WDR4: variants seen among roughly 807,000 people sequenced by gnomAD.
WDR4 encodes the protein WDR4 tRNA N7-guanosine methyltransferase non-catalytic subunit.
A neutral mutation model predicts 48.6 loss-of-function variants in WDR4; 47 were observed. The observed-to-expected ratio is 0.97, with a 90% CI of 0.77 to 1.23. The LOEUF (loss-of-function observed/expected upper bound fraction) is 1.23, where lower values mean the gene tolerates loss of function less well. WDR4 is among the 50% of genes most tolerant of loss of function. The pLI is 0.00. For missense variants in WDR4, 606 were observed against 551.6 expected (o/e 1.10, Z -0.99); for synonymous variants, 268 against 230.0 (o/e 1.17, Z -1.49).
At chr21:42,888,844 G>GTATA in the WDR4 span, among the ~76,000 whole-genome samples, 2 of 151,200 alleles carry the variant, frequency 1.3e-5, no homozygotes, top group African/African-American at 2.4e-5. Context: ...GGGATTACAG[G>GTATA]TGCCCACCAC....
At chr21:42,870,213 TG>T (rs1249343553) in intron 3 of WDR4, among the ~76,000 whole-genome samples, 1 of 151,868 alleles carries the variant, frequency 6.6e-6, no homozygotes, top group East Asian at 1.9e-4. Context: ...TAACTGGGCA[TG>T]GTGGTAAGTG....
At chr21:42,872,574 G>T (rs998561807) in intron 3 of WDR4, among the ~76,000 whole-genome samples, 5 of 146,952 alleles carry the variant, frequency 3.4e-5, no homozygotes, top group Non-Finnish European at 7.4e-5. Context: ...TCACACCACC[G>T]CACTCCAGCC....
chr21:42,870,868 G>C (rs1179183680), intron 3 of WDR4, among the ~76,000 whole-genome samples: 3 of 152,162 alleles, frequency 2.0e-5, no homozygotes, highest in African/African-American at 7.2e-5. Context: ...CCCCCTTTGA[G>C]AATCTCATGT....
At chr21:42,884,374 G>A (rs529241823), upstream of WDR4, among the ~76,000 whole-genome samples, 50 of 152,206 alleles carry the variant, frequency 3.3e-4, no homozygotes, top group African/African-American at 1.1e-3. Context: ...CTCCAGCCTG[G>A]GTGATGGATC....
chr21:42,859,563 G>A, intron 6 of WDR4, 99 bp downstream of exon 6: 1 of 1,350,784 alleles, frequency 7.4e-7, no homozygotes, highest in South Asian at 1.3e-5. Flanking sequence ...GCCAGCCAGG[G>A]GCCAGCGATC....
At chr21:42,876,412 C>T (rs2058493669) in intron 2 of WDR4, among the ~76,000 whole-genome samples, 1 of 152,020 alleles carries the variant, frequency 6.6e-6, no homozygotes, top group African/African-American at 2.4e-5. Context: ...CAGGGTTTCG[C>T]CATGTTGGCC....
intron 3 of WDR4, among the ~76,000 whole-genome samples, chr21:42,865,212 G>A (rs982761684): frequency 1.3e-5 from 2 of 152,242 alleles, no homozygotes; most frequent in African/African-American, 4.8e-5. Flanking sequence ...GGTAAACACA[G>A]AGAAAACAAG....
chr21:42,852,740 AC>A lies in WDR4; in HGVS notation c.976-417del, dbSNP rs2057867225. ...AGACCAGCCTGACCAACATGGAGAA[AC>A]CCCGTCTCTACTAAAAATACAAAAT... On this transcript the variant is annotated intron_variant, in intron 9 of 10. Transcript: ENST00000398208. Among the ~76,000 whole-genome samples, 4 of 152,228 alleles carry A rather than the reference AC, an allele frequency of 2.6e-5. No homozygotes were observed. In the South Asian group the frequency reaches 8.3e-4, roughly 32 times the overall value.
intron 1 of WDR4, chr21:42,879,115 GA>G: frequency 1.7e-6 from 2 of 1,209,344 alleles, no homozygotes; most frequent in Non-Finnish European, 2.1e-6. Flanking sequence ...GCGGAGACCG[GA>G]AGCGACCCGG....
intron 3 of WDR4, among the ~76,000 whole-genome samples, chr21:42,865,000 C>T (rs1010984450): frequency 3.3e-5 from 5 of 152,152 alleles, no homozygotes; most frequent in Non-Finnish European, 1.5e-5. Flanking sequence ...CGGCCCACTG[C>T]GGCTGGAAAT....
At chr21:42,858,005 T>C (rs1271537126) in intron 6 of WDR4, among the ~76,000 whole-genome samples, 4 of 151,990 alleles carry the variant, frequency 2.6e-5, no homozygotes, top group Non-Finnish European at 5.9e-5. Flanking sequence ...GGTGGGAGGA[T>C]TGCTTGAGCC....
At chr21:42,861,211 G>T (rs1268158195) in intron 5 of WDR4, among the ~76,000 whole-genome samples, 2 of 151,924 alleles carry the variant, frequency 1.3e-5, no homozygotes, top group Non-Finnish European at 2.9e-5. Flanking sequence ...CTACTTGGGA[G>T]GCTGAGGCAG....
At chr21:42,845,665 C>G (rs1337824493), downstream of WDR4, among the ~76,000 whole-genome samples, 4 of 152,230 alleles carry the variant, frequency 2.6e-5, no homozygotes, top group South Asian at 8.3e-4. Flanking sequence ...CCAAGTCGAT[C>G]ATGAGCCGCC....
In WDR4 at chr21:42,852,386, G is replaced by A. The variant is rs915374295; in HGVS notation, c.976-62C>T. ...GGCAGGCCTGGAAACCCAGCACCAG[G>A]ACGCAACACATGCTGGCCAGAGAGG... On this transcript the variant is annotated intron_variant, in intron 9 of 10. Coordinates refer to ENST00000398208, the MANE Select transcript of WDR4 (RefSeq NM_018669.6). 7.6e-5 allele frequency: 119 copies of A among 1,568,430 alleles called. 1 individual carries two copies. Among genetic ancestry groups the A allele is most frequent in the Admixed American group, 5.8e-4 (33 of 56,868 alleles).
At chr21:42,852,431 C>T in intron 9 of WDR4, 107 bp from the exon 10 acceptor site, 1 of 1,274,780 alleles carries the variant, frequency 7.8e-7, no homozygotes, top group East Asian at 2.5e-5. Context: ...GAGGTCCCCT[C>T]CTGGTGCCTG....
At chr21:42,867,078 A>G (rs1198471161) in intron 3 of WDR4, among the ~76,000 whole-genome samples, 1 of 152,138 alleles carries the variant, frequency 6.6e-6, no homozygotes, top group Non-Finnish European at 1.5e-5. Flanking sequence ...ACGAAGTTAT[A>G]CTGCTGACAT....
intron 10 of WDR4, among the ~76,000 whole-genome samples, chr21:42,850,777 T>C (rs1000710769): frequency 6.6e-6 from 1 of 152,174 alleles, no homozygotes; most frequent in Non-Finnish European, 1.5e-5. Flanking sequence ...CCTTAAGGCA[T>C]CGAGTGTGGG....
intron 3 of WDR4, among the ~76,000 whole-genome samples, chr21:42,872,628 A>G (rs978436233): frequency 1.0e-3 from 155 of 150,858 alleles, no homozygotes; most frequent in African/African-American, 3.7e-3. Flanking sequence ...AAAAAAAAAA[A>G]GATGAAATAA....
the WDR4 span, chr21:42,886,738 CAT>C: frequency 1.3e-5 from 2 of 152,260 alleles, no homozygotes; most frequent in Non-Finnish European, 2.9e-5. Flanking sequence ...CTAATGGTAT[CAT>C]GTGTGGTCTG....
Sources: allele counts gnomAD v4.1 joint callset (sites outside exome capture counted in the v4.1 genomes callset), GRCh38; gene constraint gnomAD v4.1.1; transcripts MANE v1.5; gene names NCBI Gene and HGNC (gene_info 2026-07-23, HGNC 2026-07-21).